The following RIMKLB variants were observed in gnomAD, a reference collection of about 807,000 sequenced individuals.
RIMKLB encodes the protein beta-citrylglutamate synthase B.
Under a neutral mutation model 32.0 loss-of-function variants are expected in RIMKLB, and 7 were observed. The ratio of observed to expected loss-of-function variants is 0.22; its 90% CI spans 0.12 to 0.41. The LOEUF (loss-of-function observed/expected upper bound fraction) is 0.41, where lower values mean the gene tolerates loss of function less well. RIMKLB is among the 10% of genes least tolerant of loss of function. RIMKLB has a pLI of 1.00. For missense variants in RIMKLB, 289 were observed against 498.7 expected (o/e 0.58, Z 4.00); for synonymous variants, 172 against 185.1 (o/e 0.93, Z 0.57).
chr12:8,682,651 A>C (rs1942443882), intron 1 of RIMKLB, among the ~76,000 whole-genome samples: 1 of 151,896 alleles, frequency 6.6e-6, no homozygotes. Context: ...GGGCGCCTGT[A>C]GTCCCAGCTA....
At chr12:8,689,874 C>T (rs1046921770) in intron 1 of RIMKLB, among the ~76,000 whole-genome samples, 2 of 152,068 alleles carry the variant, frequency 1.3e-5, no homozygotes, top group Non-Finnish European at 2.9e-5. Flanking sequence ...CTCTGTAAAT[C>T]CCCCCTCTTC....
chr12:8,694,536 G>T (rs1028124741), upstream of RIMKLB, among the ~76,000 whole-genome samples: 1 of 151,926 alleles, frequency 6.6e-6, no homozygotes, highest in East Asian at 2.0e-4. Context: ...TGGGATTACA[G>T]GCAACTGCCA....
upstream of RIMKLB, among the ~76,000 whole-genome samples, chr12:8,678,498 T>TG (rs1942358128): frequency 6.6e-6 from 1 of 151,940 alleles, no homozygotes; most frequent in South Asian, 2.1e-4. Flanking sequence ...GCTCTGCTAA[T>TG]TTTGTTTTTA....
chr12:8,766,373 T>G (rs192377488), intron 5 of RIMKLB, among the ~76,000 whole-genome samples: 105 of 152,282 alleles, frequency 6.9e-4, no homozygotes, highest in African/African-American at 2.3e-3. Flanking sequence ...GCCTTTGCAC[T>G]CAGAGGTGAA....
chr12:8,698,256 G>C lies in RIMKLB; in HGVS notation c.-98G>C, dbSNP rs1286819418. 2.7e-6 allele frequency: 1 copy of C among 366,594 alleles called. No individual in the cohort carries two copies. Among genetic ancestry groups the C allele is most frequent in the South Asian group, 1.8e-5 (1 of 54,908 alleles). 22.7% of individuals were successfully genotyped at this position (366,594 alleles called of 1,614,324 possible). On this transcript the variant is annotated 5_prime_UTR_variant, in exon 1 of 6. Transcript: ENST00000535829. ...CGCGCTTCCTCGAAGGCCCCAGCCCGGCTCAGTCGGCCGAGAGCGAGGGAG... is the reference window on the plus strand; with the variant it reads ...CGCGCTTCCTCGAAGGCCCCAGCCCCGCTCAGTCGGCCGAGAGCGAGGGAG...
At chr12:8,701,957 G>A (rs143903660) in intron 1 of RIMKLB, among the ~76,000 whole-genome samples, 1 of 151,208 alleles carries the variant, frequency 6.6e-6, no homozygotes, top group African/African-American at 2.4e-5. Context: ...AGTGAGCTTA[G>A]ACTGTACCAC....
At chr12:8,765,321 C>T (rs1949864226) in intron 5 of RIMKLB, among the ~76,000 whole-genome samples, 1 of 152,130 alleles carries the variant, frequency 6.6e-6, no homozygotes, top group South Asian at 2.1e-4. Flanking sequence ...TGTTCTGATT[C>T]TGTGTCCCAG....
chr12:8,752,665 A>ATT (rs1948710393), intron 4 of RIMKLB, among the ~76,000 whole-genome samples: 1 of 152,236 alleles, frequency 6.6e-6, no homozygotes, highest in Non-Finnish European at 1.5e-5. Flanking sequence ...ACTTTACAAG[A>ATT]TGGCATATGA....
chr12:8,676,744 A>G (rs1942345411), upstream of RIMKLB, among the ~76,000 whole-genome samples: 2 of 151,888 alleles, frequency 1.3e-5, no homozygotes. Context: ...TATGTCCTCA[A>G]CTCTAAGTCT....
At chr12:8,724,986 C>T (rs1356581916) in intron 2 of RIMKLB, among the ~76,000 whole-genome samples, 2 of 152,210 alleles carry the variant, frequency 1.3e-5, no homozygotes, top group Admixed American at 6.5e-5. Context: ...TTCCATGCTA[C>T]ACCCAGGTAC....
chr12:8,777,983 A>T (rs1261785946), downstream of RIMKLB, among the ~76,000 whole-genome samples: 2 of 152,186 alleles, frequency 1.3e-5, no homozygotes, highest in Non-Finnish European at 2.9e-5. Flanking sequence ...GTAAAGTTTG[A>T]CTTGGTTATG....
At chr12:8,746,576 C>T (rs539118424) in intron 2 of RIMKLB, among the ~76,000 whole-genome samples, 22 of 140,908 alleles carry the variant, frequency 1.6e-4, no homozygotes, top group Non-Finnish European at 2.7e-4. Flanking sequence ...CCAGCCTGGG[C>T]GACAGAGTTG....
At chr12:8,696,408 TTTTGTAAACCA>T (rs2058584747), upstream of RIMKLB, among the ~76,000 whole-genome samples, 1 of 152,354 alleles carries the variant, frequency 6.6e-6, no homozygotes, top group South Asian at 2.1e-4. Flanking sequence ...TTCCTCTAAA[TTTTGTAAACCA>T]ACTAGACGCC....
At chr12:8,697,650 G>C (rs1942953213), upstream of RIMKLB, 1 of 260,210 alleles carries the variant, frequency 3.8e-6, no homozygotes, top group Admixed American at 4.1e-5. Context: ...GGCGGGTGGG[G>C]AGGCGCGTCC....
intron 1 of RIMKLB, among the ~76,000 whole-genome samples, chr12:8,687,936 T>C (rs1942625226): frequency 6.6e-6 from 1 of 151,754 alleles, no homozygotes; most frequent in African/African-American, 2.4e-5. Flanking sequence ...CTTGGAGAAC[T>C]GCAGGAAAAG....
At chr12:8,707,326 T>C (rs970728415) in intron 1 of RIMKLB, among the ~76,000 whole-genome samples, 1 of 152,210 alleles carries the variant, frequency 6.6e-6, no homozygotes, top group Non-Finnish European at 1.5e-5. Context: ...TTGGGTTTGA[T>C]TAATTTGCTA....
At chr12:8,752,366 A>G (rs1410210883) in intron 4 of RIMKLB, among the ~76,000 whole-genome samples, 3 of 152,186 alleles carry the variant, frequency 2.0e-5, no homozygotes, top group Non-Finnish European at 4.4e-5. Flanking sequence ...CAGCTGGCCA[A>G]TGTGGTGAAA....
chr12:8,713,823 T>C lies in RIMKLB; in HGVS notation c.-44T>C. 1 of 1,602,712 alleles carries C rather than the reference T, an allele frequency of 6.2e-7. No individual in the cohort carries two copies. Among genetic ancestry groups the C allele is most frequent in the South Asian group, 1.1e-5 (1 of 90,826 alleles). Reference sequence around the variant, plus strand: ...TTCTTCCATCTAGGTAGACGTTACATCCAAGAGGAAATAATCCAGGCAAGG... The same window carrying C: ...TTCTTCCATCTAGGTAGACGTTACACCCAAGAGGAAATAATCCAGGCAAGG... On this transcript the variant is annotated 5_prime_UTR_variant, in exon 2 of 6. Coordinates refer to ENST00000535829, the MANE Select transcript of RIMKLB (RefSeq NM_001297776.2).
chr12:8,681,658 A>C (rs994038772), exon 1 of RIMKLB: 2 of 152,214 alleles, frequency 1.3e-5, no homozygotes, highest in Non-Finnish European at 2.9e-5. Context: ...ATAAAAACTC[A>C]TGAACAGTGG....
Sources: allele counts gnomAD v4.1 joint callset (sites outside exome capture counted in the v4.1 genomes callset), GRCh38; gene constraint gnomAD v4.1.1; transcripts MANE v1.5; gene names NCBI Gene and HGNC (gene_info 2026-07-23, HGNC 2026-07-21).